ADAMTS12: variants seen among roughly 807,000 people sequenced by gnomAD.
ADAMTS12 encodes ADAM metallopeptidase with thrombospondin type 1 motif 12, also known as A disintegrin and metalloproteinase with thrombospondin motifs 12.
In ADAMTS12, 118 loss-of-function variants were observed where a neutral mutation model predicts 167.8. The ratio of observed to expected loss-of-function variants is 0.70; its 90% CI spans 0.61 to 0.82. The LOEUF (loss-of-function observed/expected upper bound fraction) is 0.82. Among genes scored for constraint, ADAMTS12 ranks in the 40% least tolerant of loss-of-function variants. The pLI, the probability that ADAMTS12 is intolerant of heterozygous loss-of-function variation, is 0.00. For synonymous variants in ADAMTS12, 704 were observed against 716.9 expected (o/e 0.98, Z 0.29); for missense variants, 1,916 against 1,998.8 (o/e 0.96, Z 0.79).
chr5:33,795,938 T>C (rs1484579942), intron 2 of ADAMTS12, among the ~76,000 whole-genome samples: 4 of 152,192 alleles, frequency 2.6e-5, no homozygotes, highest in Admixed American at 6.5e-5. Flanking sequence ...TTGTGATAAA[T>C]AGAATCTTTC....
At chr5:33,653,441 A>G (rs140959627) in intron 7 of ADAMTS12, among the ~76,000 whole-genome samples, 11 of 152,080 alleles carry the variant, frequency 7.2e-5, no homozygotes, top group African/African-American at 2.4e-4. Flanking sequence ...ATTTTTTTAC[A>G]TCTATATTCC....
chr5:33,854,712 G>C (rs1749338336), intron 2 of ADAMTS12, among the ~76,000 whole-genome samples: 1 of 152,296 alleles, frequency 6.6e-6, no homozygotes. Context: ...CAAAAAGGGA[G>C]GGAGGGGGAG....
chr5:33,803,556 C>G (rs1338568289), intron 2 of ADAMTS12, among the ~76,000 whole-genome samples: 1 of 152,140 alleles, frequency 6.6e-6, no homozygotes, highest in Non-Finnish European at 1.5e-5. Flanking sequence ...ACAATGATCT[C>G]TATGATTCAT....
At chr5:33,758,274 CT>C (rs747193948) in intron 2 of ADAMTS12, among the ~76,000 whole-genome samples, 16 of 152,152 alleles carry the variant, frequency 1.1e-4, no homozygotes, top group Non-Finnish European at 1.8e-4. Flanking sequence ...AAGCTACCCC[CT>C]GTCATACTGG....
intron 3 of ADAMTS12, among the ~76,000 whole-genome samples, chr5:33,688,406 G>A (rs1261694190): frequency 5.4e-5 from 5 of 92,554 alleles, no homozygotes; most frequent in Non-Finnish European, 9.4e-5. Flanking sequence ...TCTGTCCAGC[G>A]TTGTCTGAGG....
intron 3 of ADAMTS12, among the ~76,000 whole-genome samples, chr5:33,731,271 A>G (rs1744185614): frequency 6.7e-6 from 1 of 149,624 alleles, no homozygotes; most frequent in African/African-American, 2.5e-5. Flanking sequence ...CTGCAACCTC[A>G]GCCTCCCGGG....
chr5:33,595,902 C>T, intron 17 of ADAMTS12, 32 bp downstream of exon 17: 1 of 1,612,838 alleles, frequency 6.2e-7, no homozygotes, highest in Non-Finnish European at 8.5e-7. Flanking sequence ...TGTAGGCAGA[C>T]ACACAGAGCT....
chr5:33,789,553 A>C (rs1344245656), intron 2 of ADAMTS12, among the ~76,000 whole-genome samples: 1 of 152,158 alleles, frequency 6.6e-6, no homozygotes, highest in African/African-American at 2.4e-5. Flanking sequence ...AGAAGCTAAT[A>C]ACCCTGCCCA....
At chr5:33,743,744 C>T (rs547077304) in intron 3 of ADAMTS12, among the ~76,000 whole-genome samples, 65 of 152,302 alleles carry the variant, frequency 4.3e-4, no homozygotes, top group Non-Finnish European at 8.2e-4. Context: ...TCCACCCACC[C>T]TTCTTTCCTT....
intron 16 of ADAMTS12, among the ~76,000 whole-genome samples, chr5:33,606,825 T>G (rs571885882): frequency 7.2e-5 from 11 of 152,188 alleles, no homozygotes; most frequent in Non-Finnish European, 1.6e-4. Flanking sequence ...TAAAGATAGA[T>G]CTCATTCATG....
intron 14 of ADAMTS12, among the ~76,000 whole-genome samples, chr5:33,622,215 C>T (rs1739369611): frequency 6.6e-6 from 1 of 152,068 alleles, no homozygotes; most frequent in Non-Finnish European, 1.5e-5. Context: ...GAGGAAAGAA[C>T]CCAGAATTAG....
At chr5:33,744,961 GAACC>G (rs1367151915) in intron 3 of ADAMTS12, among the ~76,000 whole-genome samples, 1 of 152,126 alleles carries the variant, frequency 6.6e-6, no homozygotes, top group African/African-American at 2.4e-5. Flanking sequence ...GTACAGGTGT[GAACC>G]ACCACTTCTG....
chr5:33,696,524 T>A (rs938972096), intron 3 of ADAMTS12, among the ~76,000 whole-genome samples: 15 of 152,090 alleles, frequency 9.9e-5, no homozygotes, highest in African/African-American at 3.6e-4. Flanking sequence ...TAACACAAAT[T>A]GAAAATTCTT....
chr5:33,779,520 T>A (rs764213393), intron 2 of ADAMTS12, among the ~76,000 whole-genome samples: 4 of 152,156 alleles, frequency 2.6e-5, no homozygotes, highest in Non-Finnish European at 4.4e-5. Context: ...TCTGAACTCC[T>A]ATGCTCATTG....
intron 7 of ADAMTS12, among the ~76,000 whole-genome samples, chr5:33,651,693 A>G (rs962773544): frequency 1.3e-5 from 2 of 152,154 alleles, no homozygotes; most frequent in African/African-American, 4.8e-5. Flanking sequence ...GGTCTTTTAC[A>G]TAGATACATT....
chr5:33,788,921 A>T (rs1385421823), intron 2 of ADAMTS12, among the ~76,000 whole-genome samples: 1 of 152,200 alleles, frequency 6.6e-6, no homozygotes, highest in East Asian at 1.9e-4. Flanking sequence ...CTGTTCCCAC[A>T]GCAATTTTTC....
At chr5:33,644,777 C>A (rs1740596600) in intron 9 of ADAMTS12, among the ~76,000 whole-genome samples, 1 of 151,154 alleles carries the variant, frequency 6.6e-6, no homozygotes, top group African/African-American at 2.4e-5. Flanking sequence ...GTCATCCAGG[C>A]TGGAGTGCAG....
intron 16 of ADAMTS12, among the ~76,000 whole-genome samples, chr5:33,602,688 T>C (rs10472225): frequency 0.56 from 84,524 of 152,030 alleles, 23,599 homozygotes; most frequent in Middle Eastern, 0.63. Context: ...TAGGTGCTTC[T>C]ATTTATGAAT....
chr5:33,749,737 T>C (rs1375389090), intron 3 of ADAMTS12, among the ~76,000 whole-genome samples: 1 of 152,196 alleles, frequency 6.6e-6, no homozygotes, highest in Non-Finnish European at 1.5e-5. Flanking sequence ...ATTGTGGTGT[T>C]GCATATGCCC....
Sources: gnomAD v4.1 joint callset for allele counts (sites outside exome capture counted in the v4.1 genomes callset) on GRCh38, gnomAD v4.1.1 for gene constraint, MANE v1.5 for transcripts, NCBI Gene and HGNC (gene_info 2026-07-23, HGNC 2026-07-21) for gene names.